SYN3: variants seen among roughly 807,000 people sequenced by gnomAD.
SYN3 encodes synapsin-3.
Under a neutral mutation model 65.8 loss-of-function variants are expected in SYN3, and 35 were observed. The ratio of observed to expected loss-of-function variants is 0.53; its 90% CI spans 0.41 to 0.70. SYN3 has a LOEUF of 0.70. Ranked by LOEUF, SYN3 falls within the 30% of genes least tolerant of loss-of-function variation. The pLI is 0.00. For missense variants in SYN3, 680 were observed against 749.0 expected (o/e 0.91, Z 1.08); for synonymous variants, 270 against 292.9 (o/e 0.92, Z 0.80).
chr22:33,052,437 C>T (rs987082442), intron 1 of SYN3, among the ~76,000 whole-genome samples: 6 of 152,228 alleles, frequency 3.9e-5, no homozygotes, highest in South Asian at 2.1e-4. Flanking sequence ...TCTCCTCCTC[C>T]GTAGTACTAC....
At chr22:32,790,381 T>C (rs2145875607) in intron 6 of SYN3, among the ~76,000 whole-genome samples, 1 of 150,386 alleles carries the variant, frequency 6.6e-6, no homozygotes, top group Non-Finnish European at 1.5e-5. Flanking sequence ...ATTTATTAGT[T>C]ATAACATTAT....
At chr22:33,040,169 T>C (rs2053937462) in intron 1 of SYN3, among the ~76,000 whole-genome samples, 1 of 151,508 alleles carries the variant, frequency 6.6e-6, no homozygotes, top group Non-Finnish European at 1.5e-5. Flanking sequence ...GTATTTTTAA[T>C]AGAGATTTTT....
intron 6 of SYN3, among the ~76,000 whole-genome samples, chr22:32,663,226 G>A (rs2060239884): frequency 6.6e-6 from 1 of 151,820 alleles, no homozygotes; most frequent in African/African-American, 2.4e-5. Context: ...CGTGCCTTTC[G>A]CCTTCTGCCA....
intron 7 of SYN3, among the ~76,000 whole-genome samples, chr22:32,562,826 G>A (rs2058605967): frequency 1.3e-5 from 2 of 152,236 alleles, no homozygotes; most frequent in South Asian, 4.1e-4. Context: ...GATTGGCCCA[G>A]GGTCCTTCCT....
intron 7 of SYN3, among the ~76,000 whole-genome samples, chr22:32,583,063 CCAAGAGT>C (rs1421018586): frequency 6.6e-6 from 1 of 152,116 alleles, no homozygotes; most frequent in Non-Finnish European, 1.5e-5. Context: ...GGGGTGAAGA[CCAAGAGT>C]CAAGCAAGAG....
intron 6 of SYN3, among the ~76,000 whole-genome samples, chr22:32,761,682 C>T (rs1208024167): frequency 6.6e-6 from 1 of 152,202 alleles, no homozygotes; most frequent in Non-Finnish European, 1.5e-5. Context: ...GTGATAACAG[C>T]TGCTTTGTTT....
Position 32,528,431 on chromosome 22 carries a change from C to T in SYN3, c.1231-426G>A, listed in dbSNP as rs142833848. On this transcript the variant is annotated intron_variant, in intron 11 of 13. Coordinates refer to ENST00000358763, the MANE Select transcript of SYN3 (RefSeq NM_003490.4). ...TGGGAACTGTGGAGGGGAGGAGCGACGTGGGAGCTCATCGAGGTTGGGGAA... is the reference window on the plus strand; with the variant it reads ...TGGGAACTGTGGAGGGGAGGAGCGATGTGGGAGCTCATCGAGGTTGGGGAA... 1.8e-3 allele frequency among the ~76,000 whole-genome samples: 270 copies of T among 152,150 alleles called. 3 individuals carry two copies. The highest frequency in any genetic ancestry group is 6.8e-3 in the Middle Eastern group (2 of 294).
chr22:32,845,542 CG>C lies in SYN3; in HGVS notation c.711+19372del, dbSNP rs372815830. ...CCACTAGACTAGCCATCAGTGGAAG[CG>C]GGAAATAGGACTTCTATTTCTTGTT... On this transcript the variant is annotated intron_variant, in intron 6 of 13. Transcript: ENST00000358763. Among the ~76,000 whole-genome samples, 475 of 152,246 alleles carry C rather than the reference CG, an allele frequency of 3.1e-3. 2 individuals are homozygous for C. Among genetic ancestry groups the C allele is most frequent in the African/African-American group, 0.011 (449 of 41,552 alleles).
intron 6 of SYN3, among the ~76,000 whole-genome samples, chr22:32,774,195 T>C (rs1258162530): frequency 6.6e-6 from 1 of 152,276 alleles, no homozygotes; most frequent in East Asian, 1.9e-4. Context: ...CAAAAAGATA[T>C]GCTCAATCCC....
chr22:32,838,790 C>T (rs184487039), intron 6 of SYN3, among the ~76,000 whole-genome samples: 318 of 152,102 alleles, frequency 2.1e-3, no homozygotes, highest in Non-Finnish European at 3.4e-3. Context: ...TTGGTTCCCT[C>T]CCACAGCCTC....
chr22:32,970,553 A>G (rs568453700), intron 3 of SYN3, among the ~76,000 whole-genome samples: 91 of 152,208 alleles, frequency 6.0e-4, no homozygotes, highest in African/African-American at 1.9e-3. Flanking sequence ...CATCTCAAAA[A>G]AAAAAAGAAA....
At chr22:32,851,519 C>A (rs1268500617) in intron 6 of SYN3, among the ~76,000 whole-genome samples, 2 of 152,122 alleles carry the variant, frequency 1.3e-5, no homozygotes, top group African/African-American at 4.8e-5. Context: ...AGACACACTC[C>A]CACTCCCAGA....
At chr22:33,002,148 GACAA>G (rs1232626166) in intron 2 of SYN3, among the ~76,000 whole-genome samples, 1 of 152,120 alleles carries the variant, frequency 6.6e-6, no homozygotes, top group African/African-American at 2.4e-5. Context: ...CATAAGCAGA[GACAA>G]ACAAAGTTTC....
rs879196572 is a variant in SYN3 at position 32,676,528 on chromosome 22, CTTTTTTTTTTTTT to C, written c.712-79805_712-79793del. Reference sequence around the variant, plus strand: ...CCATTTTCTTTCTTTTCTTTTCTTTCTTTTTTTTTTTTTTTTTTTTTTTTTTTTTGACAGAGTC... The same window carrying C: ...CCATTTTCTTTCTTTTCTTTTCTTTCTTTTTTTTTTTTTTTTGACAGAGTC... On this transcript the variant is annotated intron_variant, in intron 6 of 13. Coordinates refer to ENST00000358763, the MANE Select transcript of SYN3 (RefSeq NM_003490.4). Among the ~76,000 whole-genome samples the C allele has an allele frequency of 8.1e-4, 72 of 88,918 alleles. 1 individual carries two copies. Among genetic ancestry groups the C allele is most frequent in the Middle Eastern group, 7.2e-3 (1 of 138 alleles). 58.3% of individuals were successfully genotyped at this position (88,918 alleles called of 152,430 possible).
At chr22:32,961,655 A>C (rs1220670617) in intron 3 of SYN3, among the ~76,000 whole-genome samples, 2 of 152,266 alleles carry the variant, frequency 1.3e-5, no homozygotes, top group Non-Finnish European at 2.9e-5. Flanking sequence ...TCTTGCTGCC[A>C]GCTCTGGCTG....
Position 32,975,615 on chromosome 22 carries a change from G to A in SYN3, c.369+5030C>T, listed in dbSNP as rs148969504. 3.1e-3 allele frequency among the ~76,000 whole-genome samples: 471 copies of A among 152,182 alleles called. 1 individual carries two copies. The highest frequency in any genetic ancestry group is 6.8e-3 in the Middle Eastern group (2 of 294). On this transcript the variant is annotated intron_variant, in intron 3 of 13. Coordinates refer to ENST00000358763, the MANE Select transcript of SYN3 (RefSeq NM_003490.4). ...CCGAACCTGCACTCTCCCTCTCACTGAGGCTGCAGGAATTGCCACCACCGA... is the reference window on the plus strand; with the variant it reads ...CCGAACCTGCACTCTCCCTCTCACTAAGGCTGCAGGAATTGCCACCACCGA...
At chr22:32,520,205 T>G (rs1429458973) in intron 12 of SYN3, among the ~76,000 whole-genome samples, 2 of 152,136 alleles carry the variant, frequency 1.3e-5, no homozygotes, top group African/African-American at 4.8e-5. Flanking sequence ...TGCAGTGGCA[T>G]GGTCACACCG....
At chr22:32,857,405 C>A in intron 6 of SYN3, 1 of 1,457,516 alleles carries the variant, frequency 6.9e-7, no homozygotes, top group Non-Finnish European at 9.6e-7. Context: ...GGCCAAGGTC[C>A]ACTGTTTCTT....
intron 7 of SYN3, among the ~76,000 whole-genome samples, chr22:32,564,981 ACTGCACCCAAACAG>A (rs2058648017): frequency 7.7e-6 from 1 of 130,650 alleles, no homozygotes; most frequent in Admixed American, 7.3e-5. Context: ...GTGCTCCTGG[ACTGCACCCAAACAG>A]TGCTCCCGGA....
Sources: allele counts gnomAD v4.1 joint callset (sites outside exome capture counted in the v4.1 genomes callset), GRCh38; gene constraint gnomAD v4.1.1; transcripts MANE v1.5; gene names NCBI Gene and HGNC (gene_info 2026-07-23, HGNC 2026-07-21).